GALNT10: variants seen among roughly 807,000 people sequenced by gnomAD.
GALNT10 encodes polypeptide N-acetylgalactosaminyltransferase 10, also known as GalNAc transferase 10.
A neutral mutation model predicts 75.0 loss-of-function variants in GALNT10; 41 were observed. The ratio of observed to expected loss-of-function variants is 0.55; its 90% CI spans 0.43 to 0.71. The LOEUF (loss-of-function observed/expected upper bound fraction) is 0.71, where lower values mean the gene tolerates loss of function less well. Ranked by LOEUF, GALNT10 falls within the 30% of genes least tolerant of loss-of-function variation. GALNT10 has a pLI of 0.00. For missense variants in GALNT10, 727 were observed against 818.5 expected, an observed-to-expected ratio of 0.89 and a Z score of 1.36; for synonymous variants, 302 against 313.0, an observed-to-expected ratio of 0.96 and a Z score of 0.37.
At position 154,420,640 on chromosome 5, in the gene GALNT10, C is replaced by T. The variant is rs1461513060; in HGVS notation, c.*3668C>T. 2.6e-5 allele frequency: 4 copies of T among 152,232 alleles called. No individual in the cohort carries two copies. Among genetic ancestry groups the T allele is most frequent in the African/African-American group, 9.6e-5 (4 of 41,458 alleles). 9.4% of individuals were successfully genotyped at this position (152,232 alleles called of 1,614,324 possible). A position where few individuals can be genotyped will look rare whatever the true frequency, so the allele number is the denominator to read the frequency against. ...AATCCAAGTAATATTTTAGTTCAAA[C>T]TTGATCTTGAGCCAAGGCCCACTGC... On this transcript the variant is annotated 3_prime_UTR_variant, in exon 12 of 12. Transcript: ENST00000297107.
chr5:154,381,773 C>T lies in GALNT10; in HGVS notation c.938+1142C>T, dbSNP rs550808488. Reference sequence around the variant, plus strand: ...TTTAAAGCCAGAAGGATAGAATCTTCAGATCTCTGTTTCCTTCTCCTTGCT... The same window carrying T: ...TTTAAAGCCAGAAGGATAGAATCTTTAGATCTCTGTTTCCTTCTCCTTGCT... On this transcript the variant is annotated intron_variant, in intron 6 of 11. Coordinates refer to ENST00000297107, the MANE Select transcript of GALNT10 (RefSeq NM_198321.4). Among the ~76,000 whole-genome samples, 3 of 152,336 alleles carry T rather than the reference C, an allele frequency of 2.0e-5. No homozygotes were observed. In the South Asian group the frequency reaches 6.2e-4, roughly 32 times the overall value.
At chr5:154,262,910 A>G (rs897217528) in intron 1 of GALNT10, among the ~76,000 whole-genome samples, 1 of 152,138 alleles carries the variant, frequency 6.6e-6, no homozygotes, top group Non-Finnish European at 1.5e-5. Flanking sequence ...TGAAAGACAC[A>G]TGGTAACTAG....
At chr5:154,204,620 G>A (rs1178029850) in intron 1 of GALNT10, among the ~76,000 whole-genome samples, 1 of 152,146 alleles carries the variant, frequency 6.6e-6, no homozygotes, top group Non-Finnish European at 1.5e-5. Context: ...TGGTCCTTCT[G>A]CAGGACCTTT....
At chr5:154,258,833 G>A (rs963578972) in intron 1 of GALNT10, among the ~76,000 whole-genome samples, 3 of 151,944 alleles carry the variant, frequency 2.0e-5, no homozygotes, top group Non-Finnish European at 4.4e-5. Context: ...CATATTTAAA[G>A]GCCAATCCAA....
chr5:154,215,310 G>A (rs534034877), intron 1 of GALNT10, among the ~76,000 whole-genome samples: 2 of 152,148 alleles, frequency 1.3e-5, no homozygotes, highest in South Asian at 2.1e-4. Flanking sequence ...GTGAAACCCC[G>A]TCTCTACTAA....
At chr5:154,308,255 G>C (rs967575477) in intron 3 of GALNT10, among the ~76,000 whole-genome samples, 3 of 151,930 alleles carry the variant, frequency 2.0e-5, no homozygotes, top group Admixed American at 1.3e-4. Flanking sequence ...ATAAAATGGT[G>C]GGGAATCAGA....
At chr5:154,357,255 C>T (rs1755310582) in intron 4 of GALNT10, among the ~76,000 whole-genome samples, 1 of 152,126 alleles carries the variant, frequency 6.6e-6, no homozygotes, top group African/African-American at 2.4e-5. Flanking sequence ...TGCAGGAAAG[C>T]CAAGGCTACA....
At position 154,417,903 on chromosome 5, in the gene GALNT10, C is replaced by G. The variant is rs1275005677; in HGVS notation, c.*931C>G. On this transcript the variant is annotated 3_prime_UTR_variant, in exon 12 of 12. Coordinates refer to ENST00000297107, the MANE Select transcript of GALNT10 (RefSeq NM_198321.4). The stretch of plus-strand genomic sequence containing the variant: ...CCTCAAAAGAGGAACAGAGGTGCTG[C>G]GAGGTGCTCACCTCACAGAGTCTGG... 6.6e-6 allele frequency: 1 copy of G among 152,222 alleles called. No homozygotes were observed. The highest frequency in any genetic ancestry group is 1.5e-5 in the Non-Finnish European group (1 of 68,044). The allele number at this position is 152,222 out of a possible 1,614,324, so 9.4% of individuals were successfully genotyped here.
At chr5:154,259,975 C>T (rs1411972802) in intron 1 of GALNT10, among the ~76,000 whole-genome samples, 1 of 152,128 alleles carries the variant, frequency 6.6e-6, no homozygotes, top group Admixed American at 6.6e-5. Context: ...TCTTTTCTTT[C>T]AGAACAGTGA....
intron 1 of GALNT10, among the ~76,000 whole-genome samples, chr5:154,245,454 G>C (rs562399891): frequency 4.1e-4 from 63 of 152,206 alleles, no homozygotes; most frequent in African/African-American, 1.5e-3. Context: ...CCATGTCACA[G>C]CTGAGAAAAC....
At chr5:154,281,940 C>T (rs1581954084) in intron 1 of GALNT10, among the ~76,000 whole-genome samples, 1 of 152,180 alleles carries the variant, frequency 6.6e-6, no homozygotes, top group Non-Finnish European at 1.5e-5. Context: ...CAAAAGTGCA[C>T]ATTAGTAGTT....
At chr5:154,274,346 C>G (rs1446038740) in intron 1 of GALNT10, among the ~76,000 whole-genome samples, 2 of 152,178 alleles carry the variant, frequency 1.3e-5, no homozygotes, top group African/African-American at 4.8e-5. Flanking sequence ...AACCATTCCC[C>G]TTGTAAAAAC....
intron 4 of GALNT10, among the ~76,000 whole-genome samples, chr5:154,370,351 G>A (rs942339345): frequency 6.6e-6 from 1 of 152,186 alleles, no homozygotes; most frequent in Non-Finnish European, 1.5e-5. Context: ...AAATATGCAG[G>A]GTAATCTGAG....
intron 4 of GALNT10, among the ~76,000 whole-genome samples, chr5:154,365,772 G>C (rs1755466190): frequency 1.3e-5 from 2 of 152,006 alleles, no homozygotes; most frequent in Non-Finnish European, 2.9e-5. Context: ...AGCCTTACTG[G>C]TTCCTCTCTC....
intron 1 of GALNT10, among the ~76,000 whole-genome samples, chr5:154,245,219 G>A (rs1045626299): frequency 6.6e-6 from 1 of 152,224 alleles, no homozygotes; most frequent in Non-Finnish European, 1.5e-5. Context: ...GGATGGGCAT[G>A]CAAAGACAAG....
chr5:154,337,150 G>T (rs1467088107), intron 4 of GALNT10, among the ~76,000 whole-genome samples: 1 of 151,966 alleles, frequency 6.6e-6, no homozygotes, highest in African/African-American at 2.4e-5. Flanking sequence ...TTTATTCAGC[G>T]TCATGATCAG....
intron 3 of GALNT10, among the ~76,000 whole-genome samples, chr5:154,301,076 C>T (rs1275654709): frequency 2.6e-5 from 4 of 152,172 alleles, no homozygotes; most frequent in African/African-American, 7.2e-5. Context: ...TCCTGACAGT[C>T]CAGAAAAAGA....
chr5:154,233,790 G>A (rs868133050), intron 1 of GALNT10, among the ~76,000 whole-genome samples: 2 of 152,322 alleles, frequency 1.3e-5, no homozygotes, highest in Middle Eastern at 6.8e-3. Context: ...AGTCTTGCTG[G>A]GAGACTGTAA....
At chr5:154,274,466 G>A (rs888058918) in intron 1 of GALNT10, among the ~76,000 whole-genome samples, 3 of 152,164 alleles carry the variant, frequency 2.0e-5, no homozygotes, top group Non-Finnish European at 4.4e-5. Context: ...TCCTGCAACT[G>A]TTGAAAAGAT....
Sources: gnomAD v4.1 joint callset for allele counts (sites outside exome capture counted in the v4.1 genomes callset) on GRCh38, gnomAD v4.1.1 for gene constraint, MANE v1.5 for transcripts, NCBI Gene and HGNC (gene_info 2026-07-23, HGNC 2026-07-21) for gene names.